The following ANPEP variants were observed in gnomAD, a reference collection of about 807,000 sequenced individuals.
ANPEP encodes aminopeptidase N.
A neutral mutation model predicts 114.6 loss-of-function variants in ANPEP; 70 were observed. The ratio of observed to expected loss-of-function variants is 0.61; its 90% CI spans 0.50 to 0.75. The LOEUF (loss-of-function observed/expected upper bound fraction) is 0.75, where lower values mean the gene tolerates loss of function less well. Ranked by LOEUF, ANPEP falls within the 30% of genes least tolerant of loss-of-function variation. ANPEP has a pLI of 0.00. For missense variants in ANPEP, 1,184 were observed against 1,259.5 expected, an observed-to-expected ratio of 0.94 and a Z score of 0.91; for synonymous variants, 548 against 522.3, an observed-to-expected ratio of 1.05 and a Z score of -0.67.
Position 89,803,548 on chromosome 15 carries a change from G to A in ANPEP, c.1438-41C>T, listed in dbSNP as rs762572079. 6.2e-7 allele frequency: 1 copy of A among 1,604,820 alleles called. No individual in the cohort carries two copies. The highest frequency in any genetic ancestry group is 8.5e-7 in the Non-Finnish European group (1 of 1,178,142). On this transcript the variant is annotated intron_variant, in intron 8 of 20. Coordinates refer to ENST00000300060, the MANE Select transcript of ANPEP (RefSeq NM_001150.3). This position sits in a 1 kb window ranked among gnomAD's most constrained non-coding sequence, Gnocchi z 4.2. ...GGGGGCGCTCAGAAGGCTGTGCAGA[G>A]CCACCAGGACCCTGTGCCCCCAGAC...
chr15:89,785,489 T>C lies in ANPEP; in HGVS notation c.2764A>G (p.Lys922Glu). The C allele has an allele frequency of 2.5e-6, 4 of 1,613,998 alleles. No homozygotes were observed. Among genetic ancestry groups the C allele is most frequent in the Non-Finnish European group, 3.4e-6 (4 of 1,179,886 alleles). ...AAGCCTGTTTCCTCGTTGTCCTTCT[T>C]GAACTGCTCCAGCTGCCAGAAAAAC... Reference protein sequence around the residue: ...EYELQQLEQFKKDNEETGFGS... With the variant: ...EYELQQLEQFEKDNEETGFGS... The change falls in exon 21 of 21, where the codon AAG becomes GAG. Residue 922 changes from lysine (K) to glutamate (E), a missense_variant. By Grantham distance (56) the Lys-to-Glu change is moderately conservative (BLOSUM62 1). Coordinates refer to ENST00000300060, the MANE Select transcript of ANPEP (RefSeq NM_001150.3).
At chr15:89,787,529 A>C (rs1968530571) in intron 20 of ANPEP, among the ~76,000 whole-genome samples, 1 of 152,270 alleles carries the variant, frequency 6.6e-6, no homozygotes, top group Non-Finnish European at 1.5e-5. Context: ...AAGATTTAAA[A>C]TTTTGGGTAT....
intron 15 of ANPEP, among the ~76,000 whole-genome samples, chr15:89,795,888 G>C (rs372361982): frequency 1.3e-5 from 2 of 152,338 alleles, no homozygotes; most frequent in East Asian, 1.9e-4. Flanking sequence ...CTCTGGAAGA[G>C]AGCAGGCAGA....
intron 15 of ANPEP, among the ~76,000 whole-genome samples, chr15:89,795,264 C>A (rs1968707034): frequency 6.6e-6 from 1 of 151,938 alleles, no homozygotes; most frequent in Non-Finnish European, 1.5e-5. Context: ...GCTGAGGGAA[C>A]CTCCCAGGGG....
At chr15:89,808,153 C>A (rs918382129) in intron 1 of ANPEP, among the ~76,000 whole-genome samples, 2 of 152,252 alleles carry the variant, frequency 1.3e-5, no homozygotes, top group Non-Finnish European at 2.9e-5. Flanking sequence ...CTCTTCCCCC[C>A]TGTTGCAGTA....
intron 1 of ANPEP, among the ~76,000 whole-genome samples, chr15:89,809,124 G>A (rs1160302267): frequency 1.3e-5 from 2 of 152,360 alleles, no homozygotes; most frequent in South Asian, 4.1e-4. Flanking sequence ...TGGGCGTGGT[G>A]AGAGAAGGAG....
In ANPEP at chr15:89,801,490, G is replaced by A. The variant is rs373181522; in HGVS notation, c.1687C>T (p.Gln563Ter). The A allele has an allele frequency of 1.7e-5, 28 of 1,614,156 alleles. No individual in the cohort carries two copies. The highest frequency in any genetic ancestry group is 2.4e-5 in the Non-Finnish European group (28 of 1,179,990). The change falls in exon 11 of 21, where the codon CAG becomes TAG. Residue 563 changes from glutamine to a stop codon, truncating the protein, a stop_gained. Coordinates refer to ENST00000300060, the MANE Select transcript of ANPEP (RefSeq NM_001150.3). LOFTEE classifies it high-confidence loss of function. ...TVDTSTGTLS[Q>*]EHFLLDPDSN... ...TCGGGGTCAAGGAGGAAGTGCTCCT[G>A]GGAAAGGGTCCCCGTGCTGGTATCC...
At chr15:89,808,599 G>T (rs1894765510) in intron 1 of ANPEP, among the ~76,000 whole-genome samples, 1 of 152,170 alleles carries the variant, frequency 6.6e-6, no homozygotes, top group Non-Finnish European at 1.5e-5. Flanking sequence ...CTCCCAGCTT[G>T]TCCCCACCCC....
chr15:89,804,411 G>A lies in ANPEP; in HGVS notation c.1025-4C>T, dbSNP rs1567160980. 1 of 1,614,182 alleles carries A rather than the reference G, an allele frequency of 6.2e-7. No individual in the cohort carries two copies. The highest frequency in any genetic ancestry group is 2.2e-5 in the East Asian group (1 of 44,880). On this transcript the variant is annotated splice_region_variant and splice_polypyrimidine_tract_variant and intron_variant, in intron 5 of 20. Coordinates refer to ENST00000300060, the MANE Select transcript of ANPEP (RefSeq NM_001150.3). Reference sequence around the variant, plus strand: ...AAGTCTGGCAGGCCAATCTGGTCTGGGGAGGCGATGCCATTGGCAGGATGA... The same window carrying A: ...AAGTCTGGCAGGCCAATCTGGTCTGAGGAGGCGATGCCATTGGCAGGATGA...
At chr15:89,793,355 G>A (rs942581701) in intron 15 of ANPEP, among the ~76,000 whole-genome samples, 5 of 152,036 alleles carry the variant, frequency 3.3e-5, no homozygotes, top group South Asian at 2.1e-4. Context: ...CTTTGTCTAC[G>A]GGTCACCATT....
In ANPEP at chr15:89,799,045, T is replaced by C. The variant is rs1397799858; in HGVS notation, c.2009+215A>G. On this transcript the variant is annotated intron_variant, in intron 14 of 20. Transcript: ENST00000300060. The surrounding 1 kb of genome is among the most constrained non-coding windows in gnomAD (Gnocchi z 4.2). The stretch of plus-strand genomic sequence containing the variant: ...TGGACAAGCCTCTGTCTGGCTGTCA[T>C]GAACTACTGTGTGACTTCGGGCAAG... 6.6e-6 allele frequency among the ~76,000 whole-genome samples: 1 copy of C among 152,256 alleles called. No homozygotes were observed. The highest frequency in any genetic ancestry group is 2.4e-5 in the African/African-American group (1 of 41,466).
intron 20 of ANPEP, among the ~76,000 whole-genome samples, chr15:89,787,678 G>T (rs909552577): frequency 3.3e-5 from 5 of 152,184 alleles, no homozygotes; most frequent in African/African-American, 1.2e-4. Flanking sequence ...TTTTAAAATA[G>T]CAAAAGACTG....
intron 20 of ANPEP, among the ~76,000 whole-genome samples, chr15:89,786,320 GCAT>G (rs1431299218): frequency 1.3e-5 from 2 of 149,468 alleles, no homozygotes; most frequent in African/African-American, 2.5e-5. Context: ...GGAAGATTTA[GCAT>G]CATTAAGATG....
At chr15:89,786,628 G>A (rs908488378) in intron 20 of ANPEP, among the ~76,000 whole-genome samples, 1 of 151,886 alleles carries the variant, frequency 6.6e-6, no homozygotes, top group South Asian at 2.1e-4. Context: ...GGGAAGTTGA[G>A]GCTGCAGTGA....
At chr15:89,791,144 A>G (rs1253401105) in intron 18 of ANPEP, 51 bp from the exon 19 acceptor site, 1 of 1,602,726 alleles carries the variant, frequency 6.2e-7, no homozygotes, top group East Asian at 2.2e-5. Context: ...GTGACTCAGG[A>G]GAGAACTTGG....
chr15:89,787,236 G>T (rs989448357), intron 20 of ANPEP, among the ~76,000 whole-genome samples: 6 of 151,872 alleles, frequency 4.0e-5, no homozygotes, highest in African/African-American at 1.5e-4. Context: ...TAGTAGGGAC[G>T]GGGTTTCACC....
intron 1 of ANPEP, among the ~76,000 whole-genome samples, chr15:89,813,739 C>A (rs1429791179): frequency 6.6e-6 from 1 of 152,214 alleles, no homozygotes; most frequent in Admixed American, 6.5e-5. Flanking sequence ...AAACACATAC[C>A]CTGAGGGGCC....
intron 18 of ANPEP, 92 bp downstream of exon 18, chr15:89,792,068 C>A: frequency 6.9e-7 from 1 of 1,442,078 alleles, no homozygotes; most frequent in South Asian, 1.3e-5. Context: ...CTGTGGGGGT[C>A]ACGTGAAGGA....
At chr15:89,801,663 C>A (rs1394534075) in intron 10 of ANPEP, 56 bp from the exon 11 acceptor site, 3 of 1,579,754 alleles carry the variant, frequency 1.9e-6, no homozygotes, top group Non-Finnish European at 2.6e-6. Flanking sequence ...TCCCTGCCAT[C>A]CAGGGCATCT....
Sources: gnomAD v4.1 joint callset for allele counts (sites outside exome capture counted in the v4.1 genomes callset) on GRCh38, gnomAD v4.1.1 for gene constraint, Gnocchi (gnomAD v3.1) non-coding constraint, MANE v1.5 for transcripts, NCBI Gene and HGNC (gene_info 2026-07-23, HGNC 2026-07-21) for gene names.